Variants in LRRFIP2 observed in about 807,000 individuals in gnomAD.
LRRFIP2 encodes the protein LRR binding FLII interacting protein 2, also known as leucine-rich repeat flightless-interacting protein 2.
Under a neutral mutation model 125.9 loss-of-function variants are expected in LRRFIP2, and 109 were observed. That is an observed-to-expected ratio of 0.87 (90% CI 0.74 to 1.01). The LOEUF is 1.01. Among genes scored for constraint, LRRFIP2 ranks in the 50% least tolerant of loss-of-function variants. LRRFIP2 has a pLI of 0.00. For missense variants in LRRFIP2, 850 were observed against 862.3 expected (o/e 0.99, Z 0.18); for synonymous variants, 291 against 293.1 (o/e 0.99, Z 0.07).
intron 1 of LRRFIP2, among the ~76,000 whole-genome samples, chr3:37,168,024 G>A (rs1259800240): frequency 1.3e-5 from 2 of 152,148 alleles, no homozygotes; most frequent in African/African-American, 4.8e-5. Context: ...AGTAAATGTT[G>A]GCAAGGATGT....
intron 19 of LRRFIP2, among the ~76,000 whole-genome samples, chr3:37,076,559 T>G (rs2092036664): frequency 6.7e-6 from 1 of 150,306 alleles, no homozygotes; most frequent in Non-Finnish European, 1.5e-5. Flanking sequence ...ATAAAACTTT[T>G]GAATGGCAGA....
intron 17 of LRRFIP2, among the ~76,000 whole-genome samples, chr3:37,092,950 T>C (rs553122187): frequency 1.3e-5 from 2 of 152,290 alleles, no homozygotes; most frequent in African/African-American, 4.8e-5. Flanking sequence ...GCAATTCTCC[T>C]GCCTCAGCCT....
At chr3:37,054,003 C>A in intron 27 of LRRFIP2, 42 bp from the exon 28 acceptor site, 1 of 1,138,434 alleles carries the variant, frequency 8.8e-7, no homozygotes, top group African/African-American at 1.5e-5. Flanking sequence ...TGGTCAGAAA[C>A]AACATCCAGT....
At chr3:37,056,555 G>A (rs6764039) in intron 25 of LRRFIP2, among the ~76,000 whole-genome samples, 16 of 151,516 alleles carry the variant, frequency 1.1e-4, no homozygotes, top group African/African-American at 3.4e-4. Context: ...CCAGGTTCAC[G>A]CCATTCTCCT....
chr3:37,094,445 C>T (rs887905370), intron 17 of LRRFIP2, among the ~76,000 whole-genome samples: 5 of 152,180 alleles, frequency 3.3e-5, no homozygotes, highest in African/African-American at 1.2e-4. Context: ...ATAATTCCCA[C>T]AATCTAGTTC....
intron 6 of LRRFIP2, among the ~76,000 whole-genome samples, chr3:37,120,861 T>C (rs965898555): frequency 2.6e-5 from 4 of 152,150 alleles, no homozygotes; most frequent in Admixed American, 2.0e-4. Flanking sequence ...AAAATAAAAG[T>C]GCTGCTTTAA....
intron 19 of LRRFIP2, among the ~76,000 whole-genome samples, chr3:37,076,265 T>C (rs2091997730): frequency 6.6e-6 from 1 of 152,228 alleles, no homozygotes; most frequent in African/African-American, 2.4e-5. Flanking sequence ...AGCTCATGCC[T>C]GTAATCCCAG....
At chr3:37,175,737 GGAAGAGAAGGC>G (rs1387944708), upstream of LRRFIP2, 1 of 152,352 alleles carries the variant, frequency 6.6e-6, no homozygotes, top group African/African-American at 2.4e-5. Context: ...CGTCTAAGGA[GGAAGAGAAGGC>G]GCCTAGGGCA....
At chr3:37,170,888 A>G (rs551193010) in intron 1 of LRRFIP2, 18 of 152,238 alleles carry the variant, frequency 1.2e-4, no homozygotes, top group African/African-American at 4.3e-4. Flanking sequence ...AGCGTGGGCA[A>G]CATGCGGACA....
Position 37,072,710 on chromosome 3 carries a change from G to C in LRRFIP2, c.1464+80C>G, listed in dbSNP as rs562940935. 72 of 825,428 alleles carry C rather than the reference G, an allele frequency of 8.7e-5. No individual in the cohort carries two copies. The African/African-American group carries it at 1.1e-3, about 13-fold the overall frequency. The allele number at this position is 825,428 out of a possible 1,614,324, so 51.1% of individuals were successfully genotyped here. A position where few individuals can be genotyped will look rare whatever the true frequency, so the allele number is the denominator to read the frequency against. On this transcript the variant is annotated intron_variant, in intron 21 of 27. Coordinates refer to ENST00000336686, the MANE Select transcript of LRRFIP2 (RefSeq NM_006309.4). ...ATGCTCAAGAAGAATCAAAAGGACA[G>C]GTTTTTTCAATCTCTAGGTTAAATT...
At chr3:37,134,216 G>A (rs2095500873) in intron 2 of LRRFIP2, among the ~76,000 whole-genome samples, 2 of 151,704 alleles carry the variant, frequency 1.3e-5, no homozygotes, top group African/African-American at 4.8e-5. Flanking sequence ...AAAATCATGG[G>A]CTTTGATCAC....
chr3:37,109,625 G>A, intron 10 of LRRFIP2, 28 bp downstream of exon 10: 1 of 1,613,984 alleles, frequency 6.2e-7, no homozygotes, highest in Non-Finnish European at 8.5e-7. Flanking sequence ...TAGCTCTAAA[G>A]GCAGAACATT....
chr3:37,135,137 T>C (rs1462548680), intron 2 of LRRFIP2: 16 of 1,224,708 alleles, frequency 1.3e-5, no homozygotes, highest in East Asian at 1.2e-4. Context: ...ACCTGCATTA[T>C]AGCTGGAATA....
intron 1 of LRRFIP2, among the ~76,000 whole-genome samples, chr3:37,169,976 G>A (rs1406014887): frequency 6.6e-6 from 1 of 152,012 alleles, no homozygotes; most frequent in African/African-American, 2.4e-5. Context: ...GAGGAGGAAA[G>A]GAAGGCAGAG....
At chr3:37,126,372 G>C (rs1397378194) in intron 4 of LRRFIP2, among the ~76,000 whole-genome samples, 3 of 151,980 alleles carry the variant, frequency 2.0e-5, no homozygotes, top group Admixed American at 6.6e-5. Context: ...GTGTCAGAAC[G>C]GGTTAGAAGT....
At chr3:37,150,283 T>A (rs554302312) in intron 1 of LRRFIP2, among the ~76,000 whole-genome samples, 3 of 152,158 alleles carry the variant, frequency 2.0e-5, no homozygotes, top group African/African-American at 7.2e-5. Context: ...ACCAACATGG[T>A]GAAACCCCAT....
At chr3:37,070,153 G>T (rs1385441431) in intron 21 of LRRFIP2, among the ~76,000 whole-genome samples, 5 of 132,954 alleles carry the variant, frequency 3.8e-5, no homozygotes, top group Admixed American at 8.2e-5. Context: ...TTGGTCTGTT[G>T]CCCAGGCTGG....
At chr3:37,159,051 C>A (rs1164686125) in intron 1 of LRRFIP2, among the ~76,000 whole-genome samples, 1 of 152,052 alleles carries the variant, frequency 6.6e-6, no homozygotes, top group African/African-American at 2.4e-5. Flanking sequence ...GATGTCATAT[C>A]CAAGAAACCT....
intron 6 of LRRFIP2, among the ~76,000 whole-genome samples, chr3:37,116,482 G>A (rs1416835804): frequency 6.6e-6 from 1 of 152,028 alleles, no homozygotes; most frequent in South Asian, 2.1e-4. Context: ...AAATATTAGA[G>A]GGTGTTGTGC....
Sources: allele counts gnomAD v4.1 joint callset (sites outside exome capture counted in the v4.1 genomes callset), GRCh38; gene constraint gnomAD v4.1.1; transcripts MANE v1.5; gene names NCBI Gene and HGNC (gene_info 2026-07-23, HGNC 2026-07-21).